The following CD2AP variants were observed in gnomAD, a reference collection of about 807,000 sequenced individuals.
CD2AP encodes the protein CD2 associated protein, also known as CD2-associated protein.
A neutral mutation model predicts 85.1 loss-of-function variants in CD2AP; 46 were observed. The observed-to-expected ratio is 0.54, with a 90% confidence interval of 0.43 to 0.69. CD2AP has a LOEUF of 0.69. Among genes scored for constraint, CD2AP ranks in the 30% least tolerant of loss-of-function variants. The pLI is 0.00. For missense variants in CD2AP, 769 were observed against 729.5 expected, an observed-to-expected ratio of 1.05 and a Z score of -0.62; for synonymous variants, 255 against 252.9, an observed-to-expected ratio of 1.01 and a Z score of -0.08.
rs1450809233 is a variant in CD2AP, at chr6:47,624,297, T to G, written c.*70T>G. The G allele has an allele frequency of 8.1e-7, 1 of 1,228,872 alleles. No homozygotes were observed. Among genetic ancestry groups the G allele is most frequent in the African/African-American group, 1.5e-5 (1 of 67,402 alleles). The allele number at this position is 1,228,872 out of a possible 1,614,324, so 76.1% of individuals were successfully genotyped here. On this transcript the variant is annotated 3_prime_UTR_variant, in exon 18 of 18. Coordinates refer to ENST00000359314, the MANE Select transcript of CD2AP (RefSeq NM_012120.3). ...AACGCTATGAACTTCAGCTGACTTG[T>G]TACTTAAAAATTGTGAATTCTGTTG...
chr6:47,485,070 A>T (rs1765532740), intron 1 of CD2AP, among the ~76,000 whole-genome samples: 1 of 152,220 alleles, frequency 6.6e-6, no homozygotes. Context: ...AAAGTATAGC[A>T]TGTACATACA....
In CD2AP at chr6:47,626,060, C is replaced by G. The variant is rs1222163212; in HGVS notation, c.*1833C>G. 6.6e-6 allele frequency: 1 copy of G among 151,904 alleles called. No homozygotes were observed. Among genetic ancestry groups the G allele is most frequent in the Non-Finnish European group, 1.5e-5 (1 of 67,816 alleles). The allele number at this position is 151,904 out of a possible 1,614,324, so 9.4% of individuals were successfully genotyped here. A position where few individuals can be genotyped will look rare whatever the true frequency, so the allele number is the denominator to read the frequency against. ...ATCCTAGAAATTATCCTCCAGCTTTCTCACCTGAAAATCTATTGAAGTGAT... is the reference window on the plus strand; with the variant it reads ...ATCCTAGAAATTATCCTCCAGCTTTGTCACCTGAAAATCTATTGAAGTGAT... On this transcript the variant is annotated 3_prime_UTR_variant, in exon 18 of 18. Coordinates refer to ENST00000359314, the MANE Select transcript of CD2AP (RefSeq NM_012120.3).
At position 47,533,883 on chromosome 6, in the gene CD2AP, TGTTACTA is replaced by T. The variant is rs1766957993; in HGVS notation, c.319+133_319+139del. The T allele has an allele frequency of 9.2e-6, 8 of 872,074 alleles. No individual in the cohort carries two copies. The Admixed American group carries it at 1.9e-4, about 20-fold the overall frequency. 54.0% of individuals were successfully genotyped at this position (872,074 alleles called of 1,614,324 possible). On this transcript the variant is annotated intron_variant, in intron 3 of 17. Transcript: ENST00000359314. ...TACAGTAACTTCCTGCAAAGTCTCA[TGTTACTA>T]GTTATTGCCCTGTGTAGTCAATCTT...
chr6:47,614,743 C>T (rs980696213), intron 17 of CD2AP, among the ~76,000 whole-genome samples: 4 of 152,286 alleles, frequency 2.6e-5, no homozygotes, highest in Non-Finnish European at 4.4e-5. Context: ...ATCTGTGAAG[C>T]ACAGCAAAAC....
In CD2AP at chr6:47,606,147, T is replaced by A; in HGVS notation, c.1418-18T>A. ...GGTACAGTTCTCTTAGTAAATAATG[T>A]TTATTTTTATTTTCTAGATGTTGTA... On this transcript the variant is annotated intron_variant, in intron 13 of 17. Transcript: ENST00000359314. 1 of 1,271,688 alleles carries A rather than the reference T, an allele frequency of 7.9e-7. No individual in the cohort carries two copies. The highest frequency in any genetic ancestry group is 1.2e-5 in the South Asian group (1 of 83,898). The allele number at this position is 1,271,688 out of a possible 1,614,324, so 78.8% of individuals were successfully genotyped here. A position where few individuals can be genotyped will look rare whatever the true frequency, so the allele number is the denominator to read the frequency against.
At chr6:47,486,193 TAA>T (rs1176551746) in intron 1 of CD2AP, among the ~76,000 whole-genome samples, 10 of 152,194 alleles carry the variant, frequency 6.6e-5, no homozygotes, top group Non-Finnish European at 1.3e-4. Flanking sequence ...TTAGGATAAA[TAA>T]AAGTTTTGGT....
At chr6:47,501,517 C>T (rs1018597460) in intron 1 of CD2AP, among the ~76,000 whole-genome samples, 16 of 152,062 alleles carry the variant, frequency 1.1e-4, no homozygotes, top group African/African-American at 3.9e-4. Flanking sequence ...TCTCAAAATA[C>T]TGAACAGAAT....
chr6:47,497,286 T>C (rs1172850406), intron 1 of CD2AP, among the ~76,000 whole-genome samples: 1 of 151,022 alleles, frequency 6.6e-6, no homozygotes, highest in Non-Finnish European at 1.5e-5. Context: ...TTCCTTTCCC[T>C]TTTCCTGTTC....
chr6:47,504,516 C>T (rs1176149698), intron 2 of CD2AP, among the ~76,000 whole-genome samples: 1 of 152,180 alleles, frequency 6.6e-6, no homozygotes, highest in Non-Finnish European at 1.5e-5. Context: ...ATAACCTATG[C>T]ACATTCTCCC....
chr6:47,517,337 C>T (rs1321835521), intron 2 of CD2AP, among the ~76,000 whole-genome samples: 3 of 151,158 alleles, frequency 2.0e-5, no homozygotes, highest in African/African-American at 7.3e-5. Flanking sequence ...GGCGGGAGTG[C>T]AGTGGTGCGG....
At position 47,478,057 on chromosome 6, in the gene CD2AP, C is replaced by T; in HGVS notation, c.-188C>T. 1.1e-5 allele frequency: 8 copies of T among 720,172 alleles called. No individual in the cohort carries two copies. In the South Asian group the frequency reaches 1.3e-4, roughly 11 times the overall value. The allele number at this position is 720,172 out of a possible 1,614,324, so 44.6% of individuals were successfully genotyped here. ...GCCGCCTTTGCCTCTGCCTCGAGGG[C>T]CGCGCTGAAGAGACTGGTAGGAGAG... is the stretch of plus-strand genomic sequence containing the variant. On this transcript the variant is annotated 5_prime_UTR_variant, in exon 1 of 18. Coordinates refer to ENST00000359314, the MANE Select transcript of CD2AP (RefSeq NM_012120.3).
intron 5 of CD2AP, among the ~76,000 whole-genome samples, chr6:47,558,011 G>T (rs1275835246): frequency 6.6e-6 from 1 of 152,098 alleles, no homozygotes; most frequent in East Asian, 1.9e-4. Context: ...TTGAGCAGTG[G>T]TTTGTAGTTC....
At chr6:47,620,126 A>G (rs1582633256) in intron 17 of CD2AP, among the ~76,000 whole-genome samples, 1 of 152,190 alleles carries the variant, frequency 6.6e-6, no homozygotes, top group East Asian at 1.9e-4. Context: ...TGTTCATGAA[A>G]TCCTTGCCTG....
At chr6:47,623,669 C>T (rs9369718) in intron 17 of CD2AP, among the ~76,000 whole-genome samples, 91,854 of 151,866 alleles carry the variant, frequency 0.6, 28,587 homozygotes, top group Middle Eastern at 0.74. Flanking sequence ...TAGATATATT[C>T]CTGGGCTTTA....
rs534830238 is a variant in CD2AP at position 47,534,726 on chromosome 6, A to G, written c.319+971A>G. Among the ~76,000 whole-genome samples, 59 of 152,322 alleles carry G rather than the reference A, an allele frequency of 3.9e-4. No individual in the cohort carries two copies. The South Asian group carries it at 0.012, about 30-fold the overall frequency. ...AAGTGTAAAATATTAAACGTGTACAAAGAATTACGGTGTTATGGGAGCACA... is the reference window on the plus strand; with the variant it reads ...AAGTGTAAAATATTAAACGTGTACAGAGAATTACGGTGTTATGGGAGCACA... On this transcript the variant is annotated intron_variant, in intron 3 of 17. Coordinates refer to ENST00000359314, the MANE Select transcript of CD2AP (RefSeq NM_012120.3).
At chr6:47,607,126 TGACA>T (rs759649903) in intron 14 of CD2AP, among the ~76,000 whole-genome samples, 13,864 of 152,138 alleles carry the variant, frequency 0.091, 1,907 homozygotes, top group East Asian at 0.6. Context: ...ATGTTGCAAA[TGACA>T]GGATCTCATT....
chr6:47,519,855 A>G (rs1383503872), intron 2 of CD2AP, among the ~76,000 whole-genome samples: 3 of 152,232 alleles, frequency 2.0e-5, no homozygotes, highest in Non-Finnish European at 2.9e-5. Context: ...TGCCCTTTTA[A>G]AAGAAGTTAG....
chr6:47,562,795 C>G, intron 5 of CD2AP: 1 of 1,154,390 alleles, frequency 8.7e-7, no homozygotes. Flanking sequence ...CTGTGATGAG[C>G]CTTTGTATGT....
chr6:47,591,521 G>T (rs531467367), intron 11 of CD2AP, among the ~76,000 whole-genome samples: 1 of 151,948 alleles, frequency 6.6e-6, no homozygotes, highest in African/African-American at 2.4e-5. Flanking sequence ...TTTCTCTAAG[G>T]CATCTCCAAG....
Sources: gnomAD v4.1 joint callset for allele counts (sites outside exome capture counted in the v4.1 genomes callset) on GRCh38, gnomAD v4.1.1 for gene constraint, MANE v1.5 for transcripts, NCBI Gene and HGNC (gene_info 2026-07-23, HGNC 2026-07-21) for gene names.